RBFOX3: variants seen among roughly 807,000 people sequenced by gnomAD.
RBFOX3 encodes RNA binding fox-1 homolog 3.
A neutral mutation model predicts 48.7 loss-of-function variants in RBFOX3; 17 were observed. The observed-to-expected ratio is 0.35, with a 90% confidence interval of 0.24 to 0.52. The LOEUF is 0.52. RBFOX3 is among the 20% of genes least tolerant of loss of function. The pLI is 0.94. For synonymous variants in RBFOX3, 212 were observed against 209.5 expected (o/e 1.01, Z -0.10); for missense variants, 382 against 497.5 (o/e 0.77, Z 2.21).
At chr17:79,241,853 T>C (rs1420228773) in intron 3 of RBFOX3, among the ~76,000 whole-genome samples, 2 of 152,140 alleles carry the variant, frequency 1.3e-5, no homozygotes, top group African/African-American at 4.8e-5. Flanking sequence ...TGTCTGTTCT[T>C]GTAAGGGCAC....
chr17:79,354,753 C>A (rs36008918), intron 2 of RBFOX3, among the ~76,000 whole-genome samples: 1 of 152,172 alleles, frequency 6.6e-6, no homozygotes, highest in Non-Finnish European at 1.5e-5. Context: ...AGGGACCTCA[C>A]CTCCAACTCC....
chr17:79,098,022 G>T (rs1225580941), intron 9 of RBFOX3: 2 of 462,036 alleles, frequency 4.3e-6, no homozygotes, highest in Non-Finnish European at 7.9e-6. Flanking sequence ...TCACCCCTGG[G>T]CGTCATCCCC....
chr17:79,446,308 G>T (rs532067485), intron 2 of RBFOX3, among the ~76,000 whole-genome samples: 141 of 152,260 alleles, frequency 9.3e-4, no homozygotes, highest in African/African-American at 3.3e-3. Flanking sequence ...CTCTAAGCAG[G>T]ACATGGCTGC....
At chr17:79,509,025 C>T (rs952374717) in intron 1 of RBFOX3, among the ~76,000 whole-genome samples, 9 of 152,304 alleles carry the variant, frequency 5.9e-5, no homozygotes, top group East Asian at 3.9e-4. Flanking sequence ...CCGGGCCCCC[C>T]GAAGGCTGAC....
the RBFOX3 span, among the ~76,000 whole-genome samples, chr17:79,620,477 A>ATG: frequency 6.9e-6 from 1 of 144,254 alleles, no homozygotes; most frequent in Non-Finnish European, 1.5e-5. Context: ...ACACGTGCAC[A>ATG]CACGCACGTG....
At chr17:79,626,589 G>A in the RBFOX3 span, among the ~76,000 whole-genome samples, 6 of 152,186 alleles carry the variant, frequency 3.9e-5, no homozygotes, top group South Asian at 2.1e-4. Context: ...GCACCTCATC[G>A]TCCAGGATAA....
At chr17:79,118,934 C>A (rs572159869) in intron 4 of RBFOX3, among the ~76,000 whole-genome samples, 13 of 150,374 alleles carry the variant, frequency 8.6e-5, no homozygotes, top group Non-Finnish European at 1.0e-4. Context: ...CAAGATCACA[C>A]CACTGTGGTC....
chr17:79,292,262 G>T (rs1358638199), intron 3 of RBFOX3, among the ~76,000 whole-genome samples: 1 of 152,042 alleles, frequency 6.6e-6, no homozygotes, highest in Non-Finnish European at 1.5e-5. Context: ...GGTAAGGAAG[G>T]GCAGAGAAAA....
chr17:79,137,363 C>A (rs2040463106), intron 4 of RBFOX3, among the ~76,000 whole-genome samples: 1 of 152,218 alleles, frequency 6.6e-6, no homozygotes, highest in Non-Finnish European at 1.5e-5. Flanking sequence ...ACAGGAGCAC[C>A]CTCCAACCCC....
chr17:79,471,227 G>A lies in RBFOX3; in HGVS notation c.-175+11227C>T, dbSNP rs1216786040. Among the ~76,000 whole-genome samples the A allele has an allele frequency of 6.6e-6, 1 of 152,198 alleles. No homozygotes were observed. The highest frequency in any genetic ancestry group is 2.4e-5 in the African/African-American group (1 of 41,454). On this transcript the variant is annotated intron_variant, in intron 2 of 14. Transcript: ENST00000693108. This position sits in a 1 kb window ranked among gnomAD's most constrained non-coding sequence, Gnocchi z 4.0. ...CACGAAGGGTCTCTCATGGGAAGCAGCCATCGTGGCTCTCAGCTCATGGAA... is the reference window on the plus strand; with the variant it reads ...CACGAAGGGTCTCTCATGGGAAGCAACCATCGTGGCTCTCAGCTCATGGAA...
chr17:79,546,852 T>C (rs2090511164), intron 1 of RBFOX3, among the ~76,000 whole-genome samples: 1 of 151,878 alleles, frequency 6.6e-6, no homozygotes, highest in Admixed American at 6.6e-5. Context: ...GTATTTTTAG[T>C]AGAGGCGGGG....
At chr17:79,119,531 G>A (rs1353839534) in intron 4 of RBFOX3, among the ~76,000 whole-genome samples, 2 of 152,172 alleles carry the variant, frequency 1.3e-5, no homozygotes, top group African/African-American at 4.8e-5. Flanking sequence ...CAAGGGAGAG[G>A]AGGTTTCACA....
intron 1 of RBFOX3, chr17:79,600,017 T>C (rs2093667903): frequency 6.6e-6 from 1 of 151,890 alleles, no homozygotes; most frequent in Non-Finnish European, 1.5e-5. Flanking sequence ...ATTGCCAGAG[T>C]CTTCAAGGTA....
intron 2 of RBFOX3, among the ~76,000 whole-genome samples, chr17:79,353,947 T>C (rs376350517): frequency 9.1e-4 from 138 of 152,284 alleles, no homozygotes; most frequent in African/African-American, 3.1e-3. Context: ...TCTGCATCTC[T>C]CTCAGGAGAT....
chr17:79,658,316 C>G, the RBFOX3 span, among the ~76,000 whole-genome samples: 27 of 139,224 alleles, frequency 1.9e-4, no homozygotes, highest in East Asian at 5.4e-3. Context: ...CTCTCTCCCC[C>G]ATCTCTCTCT....
At chr17:79,110,521 A>G (rs959878701) in intron 5 of RBFOX3, among the ~76,000 whole-genome samples, 2 of 152,166 alleles carry the variant, frequency 1.3e-5, no homozygotes, top group Admixed American at 1.3e-4. Context: ...CACCACATGA[A>G]CCGGTTTTTG....
At chr17:79,419,373 C>T (rs1421495906) in intron 2 of RBFOX3, among the ~76,000 whole-genome samples, 1 of 152,204 alleles carries the variant, frequency 6.6e-6, no homozygotes, top group Non-Finnish European at 1.5e-5. Flanking sequence ...GAGCCAACGC[C>T]TCACCACTGC....
At chr17:79,575,590 GGAA>G (rs1367993423) in intron 1 of RBFOX3, among the ~76,000 whole-genome samples, 6 of 152,188 alleles carry the variant, frequency 3.9e-5, no homozygotes, top group African/African-American at 1.2e-4. Flanking sequence ...GAAGTGCACA[GGAA>G]GAAGAAGGAA....
Position 79,220,665 on chromosome 17 carries a change from AT to A in RBFOX3, c.-34+15100del, listed in dbSNP as rs1200986251. Among the ~76,000 whole-genome samples, 1 of 151,968 alleles carries A rather than the reference AT, an allele frequency of 6.6e-6. No homozygotes were observed. The highest frequency in any genetic ancestry group is 1.5e-5 in the Non-Finnish European group (1 of 67,990). ...CCTAGCAGATCTCACGGATACCGGA[AT>A]GGGGAGGACACTTTACTGAAGGTTA... On this transcript the variant is annotated intron_variant, in intron 4 of 14. Coordinates refer to ENST00000693108, the MANE Select transcript of RBFOX3 (RefSeq NM_001350451.2). This position sits in a 1 kb window ranked among gnomAD's most constrained non-coding sequence, Gnocchi z 5.9.
Sources: allele counts gnomAD v4.1 joint callset (sites outside exome capture counted in the v4.1 genomes callset), GRCh38; gene constraint gnomAD v4.1.1; non-coding constraint Gnocchi (gnomAD v3.1); transcripts MANE v1.5; gene names NCBI Gene and HGNC (gene_info 2026-07-23, HGNC 2026-07-21).